The following NCKAP1 variants were observed in gnomAD, a reference collection of about 807,000 sequenced individuals.
NCKAP1 encodes the protein NCK associated protein 1.
A neutral mutation model predicts 151.2 loss-of-function variants in NCKAP1; 21 were observed. The ratio of observed to expected loss-of-function variants is 0.14; its 90% CI spans 0.10 to 0.20. NCKAP1 has a LOEUF of 0.20. NCKAP1 is among the 10% of genes least tolerant of loss of function. The probability of loss-of-function intolerance (pLI) is 1.00; values close to 1 mark genes in which losing one functional copy is unlikely to be tolerated. For missense variants in NCKAP1, 933 were observed against 1,352.1 expected (o/e 0.69, Z 4.86); for synonymous variants, 484 against 451.8 (o/e 1.07, Z -0.90).
At chr2:182,985,477 G>T (rs1438951498) in intron 10 of NCKAP1, among the ~76,000 whole-genome samples, 1 of 152,026 alleles carries the variant, frequency 6.6e-6, no homozygotes, top group Non-Finnish European at 1.5e-5. Flanking sequence ...ACTAATATAA[G>T]AAATTAAAAT....
At position 182,962,296 on chromosome 2, in the gene NCKAP1, T is replaced by C; in HGVS notation, c.1762-18A>G. On this transcript the variant is annotated intron_variant, in intron 17 of 30. Transcript: ENST00000361354. ...TGATGTCGCTGTGAAGGCAGAATAA[T>C]AATAATAATACAAGTTATAAAGAAA... 1 of 1,571,908 alleles carries C rather than the reference T, an allele frequency of 6.4e-7. No homozygotes were observed. The highest frequency in any genetic ancestry group is 8.7e-7 in the Non-Finnish European group (1 of 1,150,334).
chr2:182,928,435 G>GT (rs1304264021), intron 28 of NCKAP1, among the ~76,000 whole-genome samples: 3 of 152,086 alleles, frequency 2.0e-5, no homozygotes, highest in Non-Finnish European at 4.4e-5. Context: ...TCGTGTATAT[G>GT]TTAAACAGGC....
intron 16 of NCKAP1, among the ~76,000 whole-genome samples, chr2:182,966,102 C>A (rs773403076): frequency 9.9e-5 from 15 of 152,106 alleles, no homozygotes; most frequent in Non-Finnish European, 1.6e-4. Flanking sequence ...TGATCTCTAT[C>A]CCATACATAG....
chr2:182,938,349 C>T (rs752392643), intron 24 of NCKAP1, among the ~76,000 whole-genome samples: 19 of 151,416 alleles, frequency 1.3e-4, no homozygotes, highest in Non-Finnish European at 2.4e-4. Flanking sequence ...GCAAAAACGA[C>T]GAAGAGTAGA....
chr2:182,922,507 A>G lies in NCKAP1; in HGVS notation c.*3195T>C, dbSNP rs879470305. 2 of 152,238 alleles carry G rather than the reference A, an allele frequency of 1.3e-5. No individual in the cohort carries two copies. The highest frequency in any genetic ancestry group is 1.3e-4 in the Admixed American group (2 of 15,268). The allele number at this position is 152,238 out of a possible 1,614,324, so 9.4% of individuals were successfully genotyped here. ...ACAGAGACACAGATGACACACTTCTAACTTCTCAAACATGCCAAGTTTGTG... is the reference window on the plus strand; with the variant it reads ...ACAGAGACACAGATGACACACTTCTGACTTCTCAAACATGCCAAGTTTGTG... On this transcript the variant is annotated 3_prime_UTR_variant, in exon 31 of 31. Coordinates refer to ENST00000361354, the MANE Select transcript of NCKAP1 (RefSeq NM_013436.5).
intron 24 of NCKAP1, chr2:182,935,597 G>A (rs1325022434): frequency 3.1e-6 from 1 of 325,416 alleles, no homozygotes; most frequent in Non-Finnish European, 5.5e-6. Flanking sequence ...CCATCAAATG[G>A]AGTATATTGT....
intron 15 of NCKAP1, among the ~76,000 whole-genome samples, chr2:182,974,208 A>G (rs1443591179): frequency 1.5e-5 from 2 of 134,690 alleles, no homozygotes; most frequent in Non-Finnish European, 3.1e-5. Context: ...TCTCTGGCTT[A>G]GTGTTATGTC....
chr2:182,926,887 G>A lies in NCKAP1; in HGVS notation c.3199C>T (p.Leu1067=), dbSNP rs1397936199. 2.5e-6 allele frequency: 4 copies of A among 1,604,054 alleles called. No individual in the cohort carries two copies. The highest frequency in any genetic ancestry group is 3.4e-6 in the Non-Finnish European group (4 of 1,173,760). Residue 1067 remains leucine, a synonymous_variant, in exon 30 of 31, where the codon CTG becomes TTG. Transcript: ENST00000361354. The stretch of plus-strand genomic sequence containing the variant: ...TTATCTGTCTCCTGGCCAATTTTCA[G>A]TAGACTGGAGGATGCAAGCTTAAAA... ...EFLALASSSL[L]KIGQETDKTT... is the part of the protein sequence containing the mutation.
Position 183,009,480 on chromosome 2 carries a change from A to T in NCKAP1, c.220-6155T>A, listed in dbSNP as rs879762929. 5.0e-4 allele frequency among the ~76,000 whole-genome samples: 70 copies of T among 139,594 alleles called. 1 individual carries two copies. Among genetic ancestry groups the T allele is most frequent in the Non-Finnish European group, 9.3e-4 (56 of 60,236 alleles). The allele number at this position is 139,594 out of a possible 152,430, so 91.6% of individuals were successfully genotyped here. ...GAAGGAAGGAAGGAAGGAAGGAAGC[A>T]AGCAAGCAAGCAGGCAAGCAAGCAA... is the stretch of plus-strand genomic sequence containing the variant. On this transcript the variant is annotated intron_variant, in intron 2 of 30. Coordinates refer to ENST00000361354, the MANE Select transcript of NCKAP1 (RefSeq NM_013436.5).
At chr2:182,979,013 T>C in intron 13 of NCKAP1, 98 bp from the exon 14 acceptor site, 1 of 572,814 alleles carries the variant, frequency 1.7e-6, no homozygotes, top group Non-Finnish European at 3.0e-6. Context: ...GGTATACCCA[T>C]ACTATGGAAT....
intron 10 of NCKAP1, 74 bp from the exon 11 acceptor site, chr2:182,983,456 T>C: frequency 9.4e-7 from 1 of 1,067,982 alleles, no homozygotes; most frequent in Non-Finnish European, 1.4e-6. Flanking sequence ...TAACTAGCAT[T>C]ATAGGTGCAA....
intron 20 of NCKAP1, among the ~76,000 whole-genome samples, chr2:182,955,540 A>C (rs1324830097): frequency 1.3e-5 from 2 of 152,164 alleles, no homozygotes; most frequent in Non-Finnish European, 2.9e-5. Flanking sequence ...GGAAATTCTA[A>C]TTAGAATTGA....
At chr2:183,020,053 T>C (rs2105891348) in intron 2 of NCKAP1, among the ~76,000 whole-genome samples, 1 of 151,980 alleles carries the variant, frequency 6.6e-6, no homozygotes, top group South Asian at 2.1e-4. Flanking sequence ...GTGAGGGCAG[T>C]TATTAAAAAA....
At chr2:182,935,565 A>T in intron 24 of NCKAP1, 190 bp from the exon 25 acceptor site, 1 of 431,574 alleles carries the variant, frequency 2.3e-6, no homozygotes, top group Non-Finnish European at 4.0e-6. Context: ...AAACTGGTTA[A>T]ACTTTTAAGT....
Position 182,928,711 on chromosome 2 carries a change from A to C in NCKAP1, c.3070+72T>G, listed in dbSNP as rs1030131417. Reference sequence around the variant, plus strand: ...CACTGCCAGTTAGTGGCAGAACTTAACTCATATTTTATTATAAAATACCAA... The same window carrying C: ...CACTGCCAGTTAGTGGCAGAACTTACCTCATATTTTATTATAAAATACCAA... On this transcript the variant is annotated intron_variant, in intron 28 of 30. Coordinates refer to ENST00000361354, the MANE Select transcript of NCKAP1 (RefSeq NM_013436.5). 8 of 1,051,950 alleles carry C rather than the reference A, an allele frequency of 7.6e-6. No individual in the cohort carries two copies. The Admixed American group carries it at 1.2e-4, about 15-fold the overall frequency. The allele number at this position is 1,051,950 out of a possible 1,614,324, so 65.2% of individuals were successfully genotyped here.
chr2:182,995,869 A>C, intron 6 of NCKAP1, 31 bp from the exon 7 acceptor site: 8 of 1,570,730 alleles, frequency 5.1e-6, no homozygotes, highest in Non-Finnish European at 7.0e-6. Flanking sequence ...AAGCTGAAGA[A>C]TAATTTTCTT....
intron 14 of NCKAP1, 26 bp from the exon 15 acceptor site, chr2:182,976,977 A>G: frequency 7.3e-7 from 1 of 1,365,454 alleles, no homozygotes; most frequent in Non-Finnish European, 1.0e-6. Context: ...AAAAAAAAAG[A>G]TTACAAAGCA....
intron 28 of NCKAP1, among the ~76,000 whole-genome samples, chr2:182,928,429 GTA>G (rs1291356308): frequency 6.6e-6 from 1 of 152,080 alleles, no homozygotes; most frequent in African/African-American, 2.4e-5. Flanking sequence ...AAACGATCGT[GTA>G]TATGTTAAAC....
At chr2:182,967,164 A>G (rs1186177688) in intron 16 of NCKAP1, 52 bp downstream of exon 16, 3 of 1,502,700 alleles carry the variant, frequency 2.0e-6, no homozygotes, top group Non-Finnish European at 2.7e-6. Flanking sequence ...CAAGAAACAT[A>G]TATCGCATAC....
Sources: gnomAD v4.1 joint callset for allele counts (sites outside exome capture counted in the v4.1 genomes callset) on GRCh38, gnomAD v4.1.1 for gene constraint, MANE v1.5 for transcripts, NCBI Gene and HGNC (gene_info 2026-07-23, HGNC 2026-07-21) for gene names.